Variants in SCARA3 observed in about 807,000 individuals in gnomAD.
SCARA3 encodes scavenger receptor class A member 3.
In SCARA3, 39 loss-of-function variants were observed where a neutral mutation model predicts 47.0. That is an observed-to-expected ratio of 0.83 (90% CI 0.64 to 1.08). The LOEUF (loss-of-function observed/expected upper bound fraction) is 1.08. SCARA3 is among the 50% of genes least tolerant of loss of function. The probability of loss-of-function intolerance (pLI) is 0.00; values close to 1 mark genes in which losing one functional copy is unlikely to be tolerated. For missense variants in SCARA3, 724 were observed against 792.3 expected, an observed-to-expected ratio of 0.91 and a Z score of 1.04; for synonymous variants, 356 against 334.1, an observed-to-expected ratio of 1.07 and a Z score of -0.71.
chr8:27,652,910 C>A (rs1174505058), intron 3 of SCARA3, among the ~76,000 whole-genome samples: 1 of 152,202 alleles, frequency 6.6e-6, no homozygotes, highest in African/African-American at 2.4e-5. Context: ...ATTTGTAAAT[C>A]CCTTCAGGGG....
At chr8:27,700,685 C>T in the SCARA3 span, among the ~76,000 whole-genome samples, 2 of 151,942 alleles carry the variant, frequency 1.3e-5, no homozygotes, top group South Asian at 4.1e-4. Context: ...CATGTAAGCA[C>T]ATGAAAAAGT....
chr8:27,706,400 G>A, the SCARA3 span, among the ~76,000 whole-genome samples: 4 of 152,194 alleles, frequency 2.6e-5, no homozygotes, highest in East Asian at 1.9e-4. Context: ...TGATCTGCCC[G>A]CCTCGGCCTC....
chr8:27,661,050 C>T (rs1220191598), intron 5 of SCARA3, among the ~76,000 whole-genome samples: 1 of 152,122 alleles, frequency 6.6e-6, no homozygotes, highest in South Asian at 2.1e-4. Flanking sequence ...TCCATTCAGG[C>T]CTTCAACTGA....
At chr8:27,649,855 T>A (rs1259799136) in intron 2 of SCARA3, 55 bp downstream of exon 2, 1 of 1,467,566 alleles carries the variant, frequency 6.8e-7, no homozygotes, top group Non-Finnish European at 9.4e-7. Flanking sequence ...GATCCCTGTC[T>A]CCATCCCCAG....
the SCARA3 span, among the ~76,000 whole-genome samples, chr8:27,706,309 A>G: frequency 6.6e-6 from 1 of 152,272 alleles, no homozygotes; most frequent in African/African-American, 2.4e-5. Context: ...GTGCACCACC[A>G]TGCCCAGCTA....
intron 5 of SCARA3, among the ~76,000 whole-genome samples, chr8:27,663,370 G>T (rs1300517934): frequency 6.6e-6 from 1 of 152,238 alleles, no homozygotes; most frequent in East Asian, 1.9e-4. Context: ...GGCCACAGGT[G>T]CAGGCTGGGA....
chr8:27,638,103 A>G (rs943055405), intron 1 of SCARA3, among the ~76,000 whole-genome samples: 11 of 152,152 alleles, frequency 7.2e-5, no homozygotes, highest in Non-Finnish European at 1.6e-4. Context: ...GCTGGGGGTA[A>G]GCCTAATAAC....
At chr8:27,670,305 T>C (rs1167533367) in intron 5 of SCARA3, among the ~76,000 whole-genome samples, 2 of 152,164 alleles carry the variant, frequency 1.3e-5, no homozygotes, top group Non-Finnish European at 2.9e-5. Context: ...GCTTTCACTG[T>C]GAGGTGACTT....
chr8:27,724,812 A>G, the SCARA3 span, among the ~76,000 whole-genome samples: 1 of 152,358 alleles, frequency 6.6e-6, no homozygotes, highest in African/African-American at 2.4e-5. Context: ...AGGAATATTT[A>G]CAAACATGTA....
chr8:27,656,853 T>C lies in SCARA3; in HGVS notation c.298T>C (p.Leu100=). 2 of 1,610,970 alleles carry C rather than the reference T, an allele frequency of 1.2e-6. No homozygotes were observed. The highest frequency in any genetic ancestry group is 1.7e-6 in the Non-Finnish European group (2 of 1,177,082). The part of the protein sequence containing the change: ...TQSIYDKKLV[L]MQKNLQGLDP... ...GTCTATTTATGACAAGAAGCTTGTG[T>C]TAATGCAGAAAAATCTCCAGGGCCT... is the stretch of plus-strand genomic sequence containing the variant. Residue 100 remains leucine (L), a synonymous_variant, in exon 4 of 6, where the codon TTA becomes CTA. Transcript: ENST00000301904.
At chr8:27,710,249 A>AAAAC in the SCARA3 span, among the ~76,000 whole-genome samples, 60 of 143,620 alleles carry the variant, frequency 4.2e-4, no homozygotes, top group African/African-American at 1.4e-3. Context: ...AAAAAAAAAA[A>AAAAC]GGAGAGATTT....
In SCARA3 at chr8:27,659,127, T is replaced by A. The variant is rs769168930; in HGVS notation, c.957T>A (p.Asp319Glu). The part of the protein sequence containing the change: ...LQLDNISSFL[D>E]DHEENMHDLQ... ...TGGATAACATCTCGTCCTTCCTGGATGACCACGAAGAGAACATGCATGATC... is the reference window on the plus strand; with the variant it reads ...TGGATAACATCTCGTCCTTCCTGGAAGACCACGAAGAGAACATGCATGATC... Residue 319 changes from aspartate (D) to glutamate (E), a missense_variant, in exon 5 of 6, where the codon GAT (aspartate) becomes GAA (glutamate). Coordinates refer to ENST00000301904, the MANE Select transcript of SCARA3 (RefSeq NM_016240.3). 1.2e-6 allele frequency: 2 copies of A among 1,614,102 alleles called. No homozygotes were observed. The highest frequency in any genetic ancestry group is 2.2e-5 in the East Asian group (1 of 44,864).
chr8:27,710,221 C>T, the SCARA3 span, among the ~76,000 whole-genome samples: 14 of 120,194 alleles, frequency 1.2e-4, no homozygotes, highest in Admixed American at 1.3e-3. Context: ...CAGAGCGAGA[C>T]TCCGTCTCAA....
At chr8:27,654,589 A>G (rs867122823) in intron 3 of SCARA3, among the ~76,000 whole-genome samples, 1 of 147,464 alleles carries the variant, frequency 6.8e-6, no homozygotes, top group South Asian at 2.3e-4. Context: ...TGAGACCCCA[A>G]CTCATTTCAA....
Position 27,658,901 on chromosome 8 carries a change from A to G in SCARA3, c.731A>G (p.Glu244Gly), listed in dbSNP as rs748111172. The G allele has an allele frequency of 6.2e-7, 1 of 1,614,142 alleles. No homozygotes were observed. Among genetic ancestry groups the G allele is most frequent in the Non-Finnish European group, 8.5e-7 (1 of 1,180,014 alleles). ...GGGATCCAGCGGAAGACAGACGAGGAGACCCTGACCCTCCAGAAGATTGTC... is the reference window on the plus strand; with the variant it reads ...GGGATCCAGCGGAAGACAGACGAGGGGACCCTGACCCTCCAGAAGATTGTC... ...IHGIQRKTDE[E>G]TLTLQKIVTD... The change falls in exon 5 of 6, where the codon GAG (glutamate) becomes GGG (glycine). Residue 244 changes from glutamate (E) to glycine (G), a missense_variant. Glu to Gly is a moderately conservative substitution (Grantham distance 98). Transcript: ENST00000301904.
downstream of SCARA3, among the ~76,000 whole-genome samples, chr8:27,677,965 T>A (rs958323345): frequency 6.6e-6 from 1 of 152,102 alleles, no homozygotes; most frequent in Non-Finnish European, 1.5e-5. Context: ...AATAAAAAAA[T>A]CACAAGTGAA....
At chr8:27,693,243 A>G in the SCARA3 span, among the ~76,000 whole-genome samples, 17 of 152,294 alleles carry the variant, frequency 1.1e-4, no homozygotes, top group Non-Finnish European at 1.5e-5. Flanking sequence ...CCTTATATGT[A>G]TTGATTAATG....
chr8:27,697,190 G>T, the SCARA3 span: 1 of 213,192 alleles, frequency 4.7e-6, no homozygotes, highest in Non-Finnish European at 1.0e-5. Context: ...ACTTCCCAGA[G>T]CAAAGGGAAG....
At chr8:27,688,418 A>G in the SCARA3 span, among the ~76,000 whole-genome samples, 1 of 151,336 alleles carries the variant, frequency 6.6e-6, no homozygotes, top group Non-Finnish European at 1.5e-5. Context: ...AAAACCAGCC[A>G]GGTGCAGTGA....
Sources: gnomAD v4.1 joint callset for allele counts (sites outside exome capture counted in the v4.1 genomes callset) on GRCh38, gnomAD v4.1.1 for gene constraint, MANE v1.5 for transcripts, NCBI Gene and HGNC (gene_info 2026-07-23, HGNC 2026-07-21) for gene names.